GRIP1: variants seen among roughly 807,000 people sequenced by gnomAD.
GRIP1 encodes glutamate receptor-interacting protein 1.
GRIP1 carries 45 observed loss-of-function variants against 129.9 expected under a neutral mutation model. The ratio of observed to expected loss-of-function variants is 0.35; its 90% CI spans 0.27 to 0.44. The LOEUF (loss-of-function observed/expected upper bound fraction) is 0.44. GRIP1 is among the 20% of genes least tolerant of loss of function. The pLI, the probability that GRIP1 is intolerant of heterozygous loss-of-function variation, is 1.00. For synonymous variants in GRIP1, 530 were observed against 520.8 expected (o/e 1.02, Z -0.24); for missense variants, 1,196 against 1,396.8 (o/e 0.86, Z 2.29).
intron 1 of GRIP1, among the ~76,000 whole-genome samples, chr12:66,766,029 C>T (rs2037625419): frequency 6.6e-6 from 1 of 152,188 alleles, no homozygotes. Flanking sequence ...GATCCATCCT[C>T]CTCCAGGACT....
intron 1 of GRIP1, among the ~76,000 whole-genome samples, chr12:67,015,408 G>A (rs2042771446): frequency 6.6e-6 from 1 of 152,120 alleles, no homozygotes; most frequent in African/African-American, 2.4e-5. Flanking sequence ...TCTTGACTCT[G>A]AGCAGAATAA....
intron 23 of GRIP1, among the ~76,000 whole-genome samples, chr12:66,370,297 G>A (rs990719461): frequency 3.3e-5 from 5 of 152,152 alleles, no homozygotes; most frequent in South Asian, 2.1e-4. Flanking sequence ...ATTAGACTCC[G>A]TACTCCCTGG....
At chr12:66,629,816 T>A (rs973925629) in intron 1 of GRIP1, among the ~76,000 whole-genome samples, 3 of 152,176 alleles carry the variant, frequency 2.0e-5, no homozygotes, top group African/African-American at 7.2e-5. Flanking sequence ...CATTCCCATG[T>A]TGAAATTTTG....
intron 1 of GRIP1, among the ~76,000 whole-genome samples, chr12:66,960,764 T>C (rs982992670): frequency 6.6e-6 from 1 of 152,136 alleles, no homozygotes; most frequent in African/African-American, 2.4e-5. Context: ...ACATCCTATA[T>C]ACTCAGACCA....
At chr12:66,809,263 C>T (rs2039056716) in intron 1 of GRIP1, among the ~76,000 whole-genome samples, 2 of 152,168 alleles carry the variant, frequency 1.3e-5, no homozygotes, top group Admixed American at 1.3e-4. Flanking sequence ...ATTAAATCTT[C>T]AATTTATAAC....
chr12:66,658,138 T>G (rs1279800227), intron 1 of GRIP1, among the ~76,000 whole-genome samples: 1 of 152,068 alleles, frequency 6.6e-6, no homozygotes, highest in African/African-American at 2.4e-5. Context: ...ATAAGAATAT[T>G]TATACAACTG....
chr12:66,528,136 T>C (rs2061321944), intron 5 of GRIP1, among the ~76,000 whole-genome samples: 1 of 66,718 alleles, frequency 1.5e-5, no homozygotes, highest in Admixed American at 1.8e-4. Flanking sequence ...ATTAGTAGGT[T>C]TTTTTTTTTT....
intron 1 of GRIP1, among the ~76,000 whole-genome samples, chr12:67,049,809 T>G (rs1277989859): frequency 6.6e-6 from 1 of 151,926 alleles, no homozygotes; most frequent in African/African-American, 2.4e-5. Context: ...CTATTTGAGA[T>G]GAATTGTCAC....
At chr12:66,994,010 A>G (rs755857499) in intron 1 of GRIP1, among the ~76,000 whole-genome samples, 47 of 152,316 alleles carry the variant, frequency 3.1e-4, no homozygotes, top group South Asian at 8.3e-4. Flanking sequence ...CAATTAAATT[A>G]GTAATTTTTA....
chr12:67,051,825 T>G (rs868310823), intron 1 of GRIP1, among the ~76,000 whole-genome samples: 1 of 152,216 alleles, frequency 6.6e-6, no homozygotes, highest in South Asian at 2.1e-4. Flanking sequence ...TTAGTTGAAC[T>G]GTTGAAACAA....
chr12:66,719,368 A>C (rs2035989746), intron 1 of GRIP1, among the ~76,000 whole-genome samples: 1 of 152,188 alleles, frequency 6.6e-6, no homozygotes, highest in Non-Finnish European at 1.5e-5. Context: ...GAGATGAGAG[A>C]TCTTCCATCC....
chr12:66,649,773 C>T (rs977152631), intron 1 of GRIP1, among the ~76,000 whole-genome samples: 50 of 152,100 alleles, frequency 3.3e-4, no homozygotes, highest in African/African-American at 1.1e-3. Context: ...TGAGGAAAAT[C>T]GATATGTCAG....
At position 66,653,733 on chromosome 12, in the gene GRIP1, T is replaced by C. The variant is rs557387093; in HGVS notation, c.55+25117A>G. ...AACACAATTCAGTGGATACCTCCAA[T>C]AGACTGCTGCTTATGCTTAACACAT... On this transcript the variant is annotated intron_variant, in intron 1 of 24. Transcript: ENST00000359742. Among the ~76,000 whole-genome samples, 12 of 152,314 alleles carry C rather than the reference T, an allele frequency of 7.9e-5. No individual in the cohort carries two copies. In the East Asian group the frequency reaches 1.9e-3, roughly 25 times the overall value.
intron 1 of GRIP1, among the ~76,000 whole-genome samples, chr12:66,729,643 G>A (rs887076644): frequency 9.9e-5 from 15 of 152,012 alleles, no homozygotes; most frequent in Admixed American, 7.2e-4. Context: ...GTGCGATCTC[G>A]GCTTACTTCA....
intron 1 of GRIP1, among the ~76,000 whole-genome samples, chr12:66,775,034 G>A (rs1460371593): frequency 6.6e-6 from 1 of 152,144 alleles, no homozygotes; most frequent in African/African-American, 2.4e-5. Context: ...TGGAAAGATG[G>A]AGGTAAATTA....
intron 4 of GRIP1, among the ~76,000 whole-genome samples, chr12:66,537,715 C>A (rs547310947): frequency 3.9e-5 from 6 of 152,126 alleles, no homozygotes; most frequent in Admixed American, 1.3e-4. Context: ...GCTTAGGTGG[C>A]AAACAGAACA....
chr12:66,936,212 A>C (rs2041481408), intron 1 of GRIP1, among the ~76,000 whole-genome samples: 1 of 152,034 alleles, frequency 6.6e-6, no homozygotes, highest in South Asian at 2.1e-4. Flanking sequence ...TTGAGCCCAG[A>C]AGTTTGAGAC....
At chr12:66,945,022 G>T (rs114895490) in intron 1 of GRIP1, among the ~76,000 whole-genome samples, 1 of 152,026 alleles carries the variant, frequency 6.6e-6, no homozygotes, top group Non-Finnish European at 1.5e-5. Context: ...AGAACTCCTG[G>T]CCTCACGTGA....
At chr12:66,920,316 G>A (rs2041192153) in intron 1 of GRIP1, among the ~76,000 whole-genome samples, 1 of 152,090 alleles carries the variant, frequency 6.6e-6, no homozygotes, top group South Asian at 2.1e-4. Flanking sequence ...CGCCTACCCA[G>A]CTTAATGTCT....
Sources: allele counts gnomAD v4.1 joint callset (sites outside exome capture counted in the v4.1 genomes callset), GRCh38; gene constraint gnomAD v4.1.1; transcripts MANE v1.5; gene names NCBI Gene and HGNC (gene_info 2026-07-23, HGNC 2026-07-21).